Variants in MAGI2 observed in about 807,000 individuals in gnomAD.
MAGI2 encodes the protein membrane associated guanylate kinase, WW and PDZ domain containing 2.
MAGI2 carries 35 observed loss-of-function variants against 133.3 expected under a neutral mutation model. The observed-to-expected ratio is 0.26, with a 90% confidence interval of 0.20 to 0.35. The LOEUF (loss-of-function observed/expected upper bound fraction) is 0.35. Ranked by LOEUF, MAGI2 falls within the 10% of genes least tolerant of loss-of-function variation. The probability of loss-of-function intolerance (pLI) is 1.00; values close to 1 mark genes in which losing one functional copy is unlikely to be tolerated. For synonymous variants in MAGI2, 729 were observed against 710.6 expected, an observed-to-expected ratio of 1.03 and a Z score of -0.41; for missense variants, 1,636 against 1,863.4, an observed-to-expected ratio of 0.88 and a Z score of 2.25.
chr7:79,326,940 C>T (rs913483200), intron 1 of MAGI2, among the ~76,000 whole-genome samples: 3 of 152,196 alleles, frequency 2.0e-5, no homozygotes, highest in African/African-American at 4.8e-5. Context: ...TGAGAGAAGA[C>T]GAAAGAAGAT....
rs78063363 is a variant in MAGI2, at chr7:79,174,523, G to A, written c.302-167317C>T. 0.013 allele frequency among the ~76,000 whole-genome samples: 1,913 copies of A among 151,790 alleles called. 137 individuals are homozygous for A. The East Asian group carries it at 0.16, about 13-fold the overall frequency. On this transcript the variant is annotated intron_variant, in intron 1 of 21. Coordinates refer to ENST00000354212, the MANE Select transcript of MAGI2 (RefSeq NM_012301.4). The stretch of plus-strand genomic sequence containing the variant: ...AATACCTTTAATGTATTAAAGAAAC[G>A]TATACCCTTCATGTGTAAAGAGAAC...
At chr7:78,967,613 A>ATT (rs200790578) in intron 2 of MAGI2, among the ~76,000 whole-genome samples, 1 of 145,214 alleles carries the variant, frequency 6.9e-6, no homozygotes. Context: ...TTATGAGTTG[A>ATT]TTTTTTTTTT....
chr7:79,386,997 G>GTA (rs1844227078), intron 1 of MAGI2, among the ~76,000 whole-genome samples: 1 of 109,392 alleles, frequency 9.1e-6, no homozygotes, highest in South Asian at 2.7e-4. Context: ...GGATATATAT[G>GTA]TATACACACA....
At position 78,410,012 on chromosome 7, in the gene MAGI2, A is replaced by G. The variant is rs145764624; in HGVS notation, c.1046-40799T>C. ...GTGCTGGGATCCTGAAAGGACCGTC[A>G]TCAGCTAATGGAACATGGATTCCAT... On this transcript the variant is annotated intron_variant, in intron 6 of 21. Coordinates refer to ENST00000354212, the MANE Select transcript of MAGI2 (RefSeq NM_012301.4). 1.3e-3 allele frequency among the ~76,000 whole-genome samples: 192 copies of G among 152,150 alleles called. 1 individual carries two copies. The East Asian group carries it at 0.017, about 14-fold the overall frequency.
chr7:78,869,709 A>G (rs1272639774), intron 2 of MAGI2, among the ~76,000 whole-genome samples: 2 of 152,114 alleles, frequency 1.3e-5, no homozygotes, highest in Non-Finnish European at 2.9e-5. Flanking sequence ...TCTCATGAGA[A>G]CTCACTTACT....
intron 3 of MAGI2, among the ~76,000 whole-genome samples, chr7:78,576,975 C>A (rs533839968): frequency 6.6e-6 from 1 of 152,254 alleles, no homozygotes; most frequent in African/African-American, 2.4e-5. Context: ...AAAACCCACA[C>A]AACTTTGTTA....
rs1447667782 is a variant in MAGI2, at chr7:79,232,558, T to C, written c.301+220462A>G. ...TGTCGAGGAATTTATCCATTTCTTC[T>C]AGATTTTCTAGTTTATTTGCGTAGA... On this transcript the variant is annotated intron_variant, in intron 1 of 21. Transcript: ENST00000354212. Among the ~76,000 whole-genome samples, 401 of 102,484 alleles carry C rather than the reference T, an allele frequency of 3.9e-3. 4 individuals are homozygous for C. The highest frequency in any genetic ancestry group is 0.014 in the Admixed American group (121 of 8,646). The allele number at this position is 102,484 out of a possible 152,430, so 67.2% of individuals were successfully genotyped here.
At chr7:78,377,830 CA>C (rs3061266) in intron 6 of MAGI2, among the ~76,000 whole-genome samples, 1 of 145,416 alleles carries the variant, frequency 6.9e-6, no homozygotes. Context: ...TCAAACTAAA[CA>C]AAAAAAAAGA....
chr7:78,463,750 A>G (rs1790321977), intron 6 of MAGI2, among the ~76,000 whole-genome samples: 1 of 152,182 alleles, frequency 6.6e-6, no homozygotes, highest in Non-Finnish European at 1.5e-5. Flanking sequence ...GGAAGAATAA[A>G]GACTGTCATT....
intron 1 of MAGI2, among the ~76,000 whole-genome samples, chr7:79,126,538 T>C (rs575182644): frequency 6.6e-6 from 1 of 152,066 alleles, no homozygotes. Context: ...AGAGATACAG[T>C]GACAGAGCCA....
intron 6 of MAGI2, among the ~76,000 whole-genome samples, chr7:78,467,200 C>T (rs539510038): frequency 6.6e-6 from 1 of 152,172 alleles, no homozygotes; most frequent in African/African-American, 2.4e-5. Context: ...GTGCTTTGCC[C>T]ATGCTAGTTT....
chr7:78,175,408 GT>G lies in MAGI2; in HGVS notation c.2403+2602del, dbSNP rs549699214. On this transcript the variant is annotated intron_variant, in intron 14 of 21. Coordinates refer to ENST00000354212, the MANE Select transcript of MAGI2 (RefSeq NM_012301.4). ...TTGGGGCCCCTCAGCTGAGGTGCAAGTGTGAGTGGAGACTCCATCTGTCCTA... is the reference window on the plus strand; with the variant it reads ...TTGGGGCCCCTCAGCTGAGGTGCAAGGTGAGTGGAGACTCCATCTGTCCTA... 1.3e-3 allele frequency among the ~76,000 whole-genome samples: 192 copies of G among 152,308 alleles called. 1 individual carries two copies. The highest frequency in any genetic ancestry group is 2.1e-3 in the Non-Finnish European group (146 of 68,020).
intron 2 of MAGI2, among the ~76,000 whole-genome samples, chr7:78,632,329 T>A (rs929453958): frequency 1.3e-5 from 2 of 152,208 alleles, no homozygotes; most frequent in East Asian, 3.8e-4. Flanking sequence ...CACAAGTTAG[T>A]GGGTCAAATA....
chr7:78,765,145 C>T (rs1449788335), intron 2 of MAGI2, among the ~76,000 whole-genome samples: 1 of 152,110 alleles, frequency 6.6e-6, no homozygotes, highest in Non-Finnish European at 1.5e-5. Context: ...TGATTTCTTA[C>T]ATGGAAAATC....
chr7:79,183,594 C>T (rs947252690), intron 1 of MAGI2, among the ~76,000 whole-genome samples: 7 of 151,664 alleles, frequency 4.6e-5, no homozygotes, highest in African/African-American at 1.7e-4. Context: ...CTAAAGAATT[C>T]CCAATATTCA....
At chr7:78,706,023 GA>G (rs1226074924) in intron 2 of MAGI2, among the ~76,000 whole-genome samples, 1 of 152,034 alleles carries the variant, frequency 6.6e-6, no homozygotes, top group Non-Finnish European at 1.5e-5. Flanking sequence ...ATGTGATATT[GA>G]AAACCTGAAG....
chr7:78,606,881 G>A (rs1431169325), intron 3 of MAGI2, among the ~76,000 whole-genome samples: 2 of 151,738 alleles, frequency 1.3e-5, no homozygotes, highest in African/African-American at 4.8e-5. Context: ...CATCTACATG[G>A]GCTGTTTCTT....
intron 1 of MAGI2, among the ~76,000 whole-genome samples, chr7:79,113,406 G>A (rs959456187): frequency 1.2e-4 from 18 of 152,034 alleles, no homozygotes; most frequent in African/African-American, 3.1e-4. Flanking sequence ...TGGTTATACC[G>A]TCTGATTACC....
chr7:79,234,913 A>G (rs887402926), intron 1 of MAGI2, among the ~76,000 whole-genome samples: 8 of 151,516 alleles, frequency 5.3e-5, no homozygotes, highest in East Asian at 1.9e-4. Context: ...TTTTTTCCCT[A>G]TCTTTGTGGT....
Sources: gnomAD v4.1 joint callset for allele counts (sites outside exome capture counted in the v4.1 genomes callset) on GRCh38, gnomAD v4.1.1 for gene constraint, MANE v1.5 for transcripts, NCBI Gene and HGNC (gene_info 2026-07-23, HGNC 2026-07-21) for gene names.